KIAA0319: variants seen among roughly 807,000 people sequenced by gnomAD.
The protein encoded by KIAA0319 is dyslexia-associated protein KIAA0319.
Under a neutral mutation model 108.4 loss-of-function variants are expected in KIAA0319, and 83 were observed. The observed-to-expected ratio is 0.77, with a 90% CI of 0.64 to 0.92. The LOEUF (loss-of-function observed/expected upper bound fraction) is 0.92, where lower values mean the gene tolerates loss of function less well. Among genes scored for constraint, KIAA0319 ranks in the 40% least tolerant of loss-of-function variants. KIAA0319 has a pLI of 0.00. For missense variants in KIAA0319, 1,195 were observed against 1,322.4 expected, an observed-to-expected ratio of 0.90 and a Z score of 1.49; for synonymous variants, 484 against 510.4, an observed-to-expected ratio of 0.95 and a Z score of 0.70.
At chr6:24,580,235 C>T (rs1766272803) in intron 7 of KIAA0319, among the ~76,000 whole-genome samples, 1 of 152,094 alleles carries the variant, frequency 6.6e-6, no homozygotes, top group Non-Finnish European at 1.5e-5. Flanking sequence ...AATTACAGAG[C>T]AGGAGCAAGG....
intron 7 of KIAA0319, among the ~76,000 whole-genome samples, chr6:24,580,615 A>G (rs1766349021): frequency 6.6e-6 from 1 of 152,180 alleles, no homozygotes; most frequent in South Asian, 2.1e-4. Flanking sequence ...TCGAAGGTGA[A>G]GCTGAATCAC....
chr6:24,541,690 T>A (rs1278240243), downstream of KIAA0319, among the ~76,000 whole-genome samples: 8 of 151,908 alleles, frequency 5.3e-5, no homozygotes, highest in Non-Finnish European at 1.0e-4. Flanking sequence ...CCTAGCTACC[T>A]GGGAGGCTGA....
At chr6:24,630,508 C>CA (rs66787757) in intron 1 of KIAA0319, among the ~76,000 whole-genome samples, 172 of 104,374 alleles carry the variant, frequency 1.6e-3, no homozygotes, top group Non-Finnish European at 2.5e-3. Flanking sequence ...GATTCTGTCT[C>CA]AAAAAAAAAA....
intron 1 of KIAA0319, among the ~76,000 whole-genome samples, chr6:24,609,737 G>A (rs1396804226): frequency 1.3e-5 from 2 of 151,548 alleles, no homozygotes; most frequent in Non-Finnish European, 2.9e-5. Context: ...TTTTACAAGT[G>A]TTGAAATAAA....
chr6:24,580,832 C>T, intron 7 of KIAA0319, 94 bp downstream of exon 7: 1 of 771,180 alleles, frequency 1.3e-6, no homozygotes, highest in Admixed American at 2.3e-5. Flanking sequence ...TTTTGTCTCT[C>T]TAGGTAGATA....
chr6:24,559,513 A>C (rs1036229047), intron 16 of KIAA0319, among the ~76,000 whole-genome samples: 3 of 152,144 alleles, frequency 2.0e-5, no homozygotes, highest in African/African-American at 7.2e-5. Context: ...ATGGGGATGG[A>C]AGCTCCCATG....
intron 10 of KIAA0319, among the ~76,000 whole-genome samples, chr6:24,576,067 T>C (rs568750464): frequency 1.2e-4 from 19 of 152,328 alleles, no homozygotes; most frequent in African/African-American, 4.6e-4. Context: ...TTTCTAAGGT[T>C]TCTCCCAATA....
rs766113419 is a variant in KIAA0319 at position 24,566,679 on chromosome 6, G to A, written c.2210C>T (p.Thr737Ile). 2.5e-6 allele frequency: 4 copies of A among 1,613,648 alleles called. No homozygotes were observed. Among genetic ancestry groups the A allele is most frequent in the Non-Finnish European group, 8.5e-7 (1 of 1,179,742 alleles). The change falls in exon 14 of 21, where the codon ACT (threonine) becomes ATT (isoleucine). Residue 737 changes from threonine to isoleucine, a missense_variant. Coordinates refer to ENST00000378214, the MANE Select transcript of KIAA0319 (RefSeq NM_014809.4). ...ATCAGTAGACCTTGAACCATCCAAA[G>A]TAATGGAATTATTGGGAAGCACAAG... ...HVLVLPNNSITLDGSRSTDDQ... is the reference protein window; with the variant it reads ...HVLVLPNNSIILDGSRSTDDQ...
In KIAA0319 at chr6:24,610,768, G is replaced by C. The variant is rs549064594; in HGVS notation, c.-105-9560C>G. Among the ~76,000 whole-genome samples, 156 of 151,636 alleles carry C rather than the reference G, an allele frequency of 1.0e-3. 1 individual carries two copies. Among genetic ancestry groups the C allele is most frequent in the Middle Eastern group, 3.4e-3 (1 of 292 alleles). Reference sequence around the variant, plus strand: ...TGAGCCTATGGTTTTTTTGAGCCAAGCCTCCCTCAAAACAAAAAAAAAATT... The same window carrying C: ...TGAGCCTATGGTTTTTTTGAGCCAACCCTCCCTCAAAACAAAAAAAAAATT... On this transcript the variant is annotated intron_variant, in intron 1 of 20. Coordinates refer to ENST00000378214, the MANE Select transcript of KIAA0319 (RefSeq NM_014809.4).
intron 1 of KIAA0319, among the ~76,000 whole-genome samples, chr6:24,610,422 G>A (rs1040335763): frequency 1.3e-5 from 2 of 152,078 alleles, no homozygotes; most frequent in Admixed American, 1.3e-4. Flanking sequence ...TAATAAAAAA[G>A]ACAATTAAAA....
intron 20 of KIAA0319, among the ~76,000 whole-genome samples, chr6:24,548,311 A>G (rs921021798): frequency 2.6e-5 from 4 of 151,622 alleles, no homozygotes; most frequent in African/African-American, 9.8e-5. Flanking sequence ...GGAAACAAAA[A>G]CTCTCAGCAA....
At chr6:24,612,645 A>G (rs1264699153) in intron 1 of KIAA0319, among the ~76,000 whole-genome samples, 1 of 152,216 alleles carries the variant, frequency 6.6e-6, no homozygotes, top group Non-Finnish European at 1.5e-5. Flanking sequence ...GCAGAATGGT[A>G]TATACAGTAC....
chr6:24,617,640 C>G (rs760531254), intron 1 of KIAA0319, among the ~76,000 whole-genome samples: 11 of 152,086 alleles, frequency 7.2e-5, no homozygotes, highest in Non-Finnish European at 1.0e-4. Flanking sequence ...CTTGAGCTCA[C>G]TCAAGGTGGG....
At position 24,596,501 on chromosome 6, in the gene KIAA0319, G is replaced by T; in HGVS notation, c.173C>A (p.Thr58Lys). Residue 58 changes from threonine to lysine, a missense_variant, in exon 3 of 21, where the codon ACG becomes AAG. Physicochemically the swap from Thr to Lys is moderately conservative, Grantham distance 78 (BLOSUM62 -1). Transcript: ENST00000378214. Reference protein sequence around the residue: ...VSHTFPVVDCTAACCDLSSCD... With the variant: ...VSHTFPVVDCKAACCDLSSCD... ...GCTGGACAGGTCACAGCAAGCGGCC[G>T]TGCAGTCTACGACAGGGAAGGTGTG... is the stretch of plus-strand genomic sequence containing the variant. 6.2e-7 allele frequency: 1 copy of T among 1,614,118 alleles called. No homozygotes were observed. The highest frequency in any genetic ancestry group is 8.5e-7 in the Non-Finnish European group (1 of 1,180,042).
At chr6:24,643,639 C>T (rs1056780400) in intron 1 of KIAA0319, among the ~76,000 whole-genome samples, 1 of 152,104 alleles carries the variant, frequency 6.6e-6, no homozygotes, top group African/African-American at 2.4e-5. Flanking sequence ...TAAATCAGAA[C>T]AAGCTTTGGA....
chr6:24,620,594 C>G (rs1383973600), intron 1 of KIAA0319, among the ~76,000 whole-genome samples: 1 of 152,232 alleles, frequency 6.6e-6, no homozygotes, highest in Non-Finnish European at 1.5e-5. Context: ...AGCCACTGCT[C>G]CCGGCCCCAT....
chr6:24,563,658 C>G, intron 15 of KIAA0319, 140 bp from the exon 16 acceptor site: 1 of 663,730 alleles, frequency 1.5e-6, no homozygotes, highest in Non-Finnish European at 2.4e-6. Flanking sequence ...GTAAATTCTT[C>G]TAAACACCGC....
At chr6:24,629,747 T>C (rs1775271542) in intron 1 of KIAA0319, among the ~76,000 whole-genome samples, 1 of 152,184 alleles carries the variant, frequency 6.6e-6, no homozygotes, top group East Asian at 1.9e-4. Flanking sequence ...TGAAGGAGAT[T>C]AGTGTGATTT....
In KIAA0319 at chr6:24,583,640, C is replaced by A; in HGVS notation, c.1057G>T (p.Glu353Ter). The A allele has an allele frequency of 1.9e-6, 3 of 1,613,904 alleles. No homozygotes were observed. The highest frequency in any genetic ancestry group is 2.5e-6 in the Non-Finnish European group (3 of 1,179,878). The change falls in exon 5 of 21, where the codon GAA (glutamate) becomes TAA (stop). Residue 353 changes from glutamate to a stop codon, truncating the protein, a stop_gained. Coordinates refer to ENST00000378214, the MANE Select transcript of KIAA0319 (RefSeq NM_014809.4). LOFTEE classifies it high-confidence loss of function. ...GCTGGCGCAACAAAGGCCTTCAGTT[C>A]AACTTCATTGTCGGGTAAAGTTATA... ...LIITLPDNEV[E>*]LKAFVAPAPP...
Sources: allele counts gnomAD v4.1 joint callset (sites outside exome capture counted in the v4.1 genomes callset), GRCh38; gene constraint gnomAD v4.1.1; transcripts MANE v1.5; gene names NCBI Gene and HGNC (gene_info 2026-07-23, HGNC 2026-07-21).